The following SP1 variants were observed in gnomAD, a reference collection of about 807,000 sequenced individuals.
SP1 encodes the protein Sp1 transcription factor, also known as transcription factor Sp1.
A neutral mutation model predicts 66.3 loss-of-function variants in SP1; 6 were observed. The observed-to-expected ratio is 0.09, with a 90% CI of 0.05 to 0.18. The LOEUF is 0.18. Among genes scored for constraint, SP1 ranks in the 10% least tolerant of loss-of-function variants. The probability of loss-of-function intolerance (pLI) is 1.00; values close to 1 mark genes in which losing one functional copy is unlikely to be tolerated. For missense variants in SP1, 848 were observed against 964.5 expected, an observed-to-expected ratio of 0.88 and a Z score of 1.60; for synonymous variants, 417 against 360.8, an observed-to-expected ratio of 1.16 and a Z score of -1.77.
chr12:53,399,618 A>G (rs1473995755), intron 3 of SP1, among the ~76,000 whole-genome samples: 1 of 148,090 alleles, frequency 6.8e-6, no homozygotes, highest in African/African-American at 2.5e-5. Context: ...GGCGTGAGCC[A>G]CCGCGCCCTG....
intron 3 of SP1, among the ~76,000 whole-genome samples, chr12:53,405,699 G>GAAGGAGGA (rs1316088128): frequency 6.6e-6 from 1 of 151,560 alleles, no homozygotes; most frequent in African/African-American, 2.4e-5. Context: ...GAGAGAGAAG[G>GAAGGAGGA]AAGGAGGGAA....
At chr12:53,405,999 T>TA (rs35657115) in intron 3 of SP1, among the ~76,000 whole-genome samples, 82,110 of 142,094 alleles carry the variant, frequency 0.58, 24,911 homozygotes, top group East Asian at 0.9. Context: ...AGTATAATAA[T>TA]AAAAAAAAAC....
intron 3 of SP1, among the ~76,000 whole-genome samples, chr12:53,396,118 C>T (rs1036273397): frequency 4.8e-5 from 7 of 146,646 alleles, no homozygotes; most frequent in Non-Finnish European, 1.1e-4. Flanking sequence ...AGACTCTTGT[C>T]TCAAAAAAAA....
chr12:53,411,508 A>G lies in SP1; in HGVS notation c.*268A>G, dbSNP rs746033128. Reference sequence around the variant, plus strand: ...ATTTGTTTGACCCCAGTTTCTTCTTACACTTCTTACCCCAGCCTACCCTTC... The same window carrying G: ...ATTTGTTTGACCCCAGTTTCTTCTTGCACTTCTTACCCCAGCCTACCCTTC... On this transcript the variant is annotated 3_prime_UTR_variant, in exon 6 of 6. Coordinates refer to ENST00000327443, the MANE Select transcript of SP1 (RefSeq NM_138473.3). The G allele has an allele frequency of 1.1e-5, 4 of 363,570 alleles. No homozygotes were observed. The highest frequency in any genetic ancestry group is 2.1e-5 in the African/African-American group (1 of 47,966). The allele number at this position is 363,570 out of a possible 1,614,324, so 22.5% of individuals were successfully genotyped here.
At chr12:53,391,985 G>C (rs373033649) in intron 3 of SP1, among the ~76,000 whole-genome samples, 1 of 151,948 alleles carries the variant, frequency 6.6e-6, no homozygotes, top group South Asian at 2.1e-4. Context: ...GTTTCTAAGT[G>C]TATCTTTGAG....
At chr12:53,390,635 A>G (rs2136898479) in intron 3 of SP1, among the ~76,000 whole-genome samples, 1 of 152,176 alleles carries the variant, frequency 6.6e-6, no homozygotes, top group Admixed American at 6.6e-5. Flanking sequence ...GTGAGCCGGG[A>G]TCGCACCACT....
chr12:53,396,396 C>T (rs1032815696), intron 3 of SP1, among the ~76,000 whole-genome samples: 2 of 151,734 alleles, frequency 1.3e-5, no homozygotes, highest in East Asian at 1.9e-4. Context: ...GGTAAAACCC[C>T]GTCTCTACTA....
intron 3 of SP1, among the ~76,000 whole-genome samples, chr12:53,404,863 T>C (rs1938696349): frequency 6.6e-6 from 1 of 151,982 alleles, no homozygotes; most frequent in Non-Finnish European, 1.5e-5. Context: ...GGCGACGAAG[T>C]CTCGCTCTGT....
intron 3 of SP1, among the ~76,000 whole-genome samples, chr12:53,386,959 T>C (rs867272415): frequency 7.8e-5 from 11 of 140,300 alleles, no homozygotes; most frequent in African/African-American, 3.2e-4. Context: ...TTTTTTTTCG[T>C]TTTCTTTTTT....
chr12:53,391,129 G>A (rs7315782), intron 3 of SP1, among the ~76,000 whole-genome samples: 27,731 of 151,868 alleles, frequency 0.18, 2,639 homozygotes, highest in African/African-American at 0.21. Flanking sequence ...TAATAGAAAA[G>A]CAAGCACATT....
At chr12:53,381,476 T>G in intron 1 of SP1, 183 bp from the exon 2 acceptor site, 1 of 485,548 alleles carries the variant, frequency 2.1e-6, no homozygotes, top group Non-Finnish European at 3.6e-6. Flanking sequence ...TTTGGCACAT[T>G]GAACCTAGTT....
At chr12:53,408,073 C>A (rs1292055310) in intron 4 of SP1, among the ~76,000 whole-genome samples, 1 of 144,764 alleles carries the variant, frequency 6.9e-6, no homozygotes, top group Non-Finnish European at 1.5e-5. Flanking sequence ...ATGGTGAAAC[C>A]CCATCTCTAC....
chr12:53,382,023 T>G (rs1056856182), intron 2 of SP1, 87 bp from the exon 3 acceptor site: 1 of 1,331,362 alleles, frequency 7.5e-7, no homozygotes. Context: ...TTGTCTGCAC[T>G]ACGTTGCTGT....
Position 53,412,454 on chromosome 12 carries a change from T to C in SP1, c.*1214T>C, listed in dbSNP as rs1938913080. ...TCTGAGTTTATATTCTGAAAGGAAA[T>C]ACACTTCTTTTGAACATCCCCACTA... On this transcript the variant is annotated 3_prime_UTR_variant, in exon 6 of 6. Transcript: ENST00000327443. 1 of 152,624 alleles carries C rather than the reference T, an allele frequency of 6.6e-6. No individual in the cohort carries two copies. The highest frequency in any genetic ancestry group is 1.5e-5 in the Non-Finnish European group (1 of 68,030). The allele number at this position is 152,624 out of a possible 1,614,324, so 9.5% of individuals were successfully genotyped here.
chr12:53,380,387 G>T, intron 1 of SP1, 89 bp downstream of exon 1: 1 of 1,181,988 alleles, frequency 8.5e-7, no homozygotes, highest in East Asian at 3.2e-5. Context: ...GCCGTGAAGC[G>T]GGGGCGGGCG....
chr12:53,385,194 C>G (rs533380617), intron 3 of SP1, among the ~76,000 whole-genome samples: 1 of 151,198 alleles, frequency 6.6e-6, no homozygotes, highest in Admixed American at 6.6e-5. Flanking sequence ...ACTCAGGAGG[C>G]TGAGGCCAAG....
chr12:53,399,264 T>G (rs1938554146), intron 3 of SP1, among the ~76,000 whole-genome samples: 1 of 152,236 alleles, frequency 6.6e-6, no homozygotes, highest in East Asian at 1.9e-4. Context: ...TTTTTGAGCC[T>G]TAGCCTCCCG....
intron 3 of SP1, among the ~76,000 whole-genome samples, chr12:53,401,622 T>C (rs1009713788): frequency 1.3e-5 from 2 of 152,178 alleles, no homozygotes; most frequent in African/African-American, 4.8e-5. Flanking sequence ...TTTGGGGCCA[T>C]GCTTAGTGTT....
Position 53,414,313 on chromosome 12 carries a change from A to G in SP1, c.*3073A>G, listed in dbSNP as rs1381795969. ...TCAGGTTTTCAGGTTGCCCATTTAT[A>G]TTCATTTACATGTCATTTGACTGTC... On this transcript the variant is annotated 3_prime_UTR_variant, in exon 6 of 6. Coordinates refer to ENST00000327443, the MANE Select transcript of SP1 (RefSeq NM_138473.3). 6.6e-6 allele frequency: 1 copy of G among 152,596 alleles called. No individual in the cohort carries two copies. Among genetic ancestry groups the G allele is most frequent in the Non-Finnish European group, 1.5e-5 (1 of 68,022 alleles). The allele number at this position is 152,596 out of a possible 1,614,324, so 9.5% of individuals were successfully genotyped here.
Sources: gnomAD v4.1 joint callset for allele counts (sites outside exome capture counted in the v4.1 genomes callset) on GRCh38, gnomAD v4.1.1 for gene constraint, MANE v1.5 for transcripts, NCBI Gene and HGNC (gene_info 2026-07-23, HGNC 2026-07-21) for gene names.